Variants in SPTBN5 observed in about 807,000 individuals in gnomAD.
SPTBN5 encodes spectrin beta, non-erythrocytic 5.
Under a neutral mutation model 477.6 loss-of-function variants are expected in SPTBN5, and 513 were observed. That is an observed-to-expected ratio of 1.07 (90% CI 1.00 to 1.16). SPTBN5 has a LOEUF of 1.16. Ranked by LOEUF, SPTBN5 falls within the 50% of genes most tolerant of loss-of-function variation. The probability of loss-of-function intolerance (pLI) is 0.00; values close to 1 mark genes in which losing one functional copy is unlikely to be tolerated. For synonymous variants in SPTBN5, 2,169 were observed against 2,011.7 expected (o/e 1.08, Z -2.09); for missense variants, 5,062 against 4,731.8 (o/e 1.07, Z -2.05).
intron 62 of SPTBN5, 99 bp downstream of exon 62, chr15:41,852,083 G>A (rs1334293964): frequency 2.8e-6 from 4 of 1,442,490 alleles, no homozygotes; most frequent in Non-Finnish European, 3.7e-6. Flanking sequence ...TCCCAGCACT[G>A]GCTCCAGGGT....
chr15:41,864,594 G>A (rs185227794), intron 39 of SPTBN5, among the ~76,000 whole-genome samples: 56 of 152,332 alleles, frequency 3.7e-4, no homozygotes, highest in African/African-American at 1.3e-3. Context: ...GATTACAAGC[G>A]TGAGCCACTG....
chr15:41,865,918 G>T lies in SPTBN5; in HGVS notation c.6823-15C>A. 1 of 1,560,814 alleles carries T rather than the reference G, an allele frequency of 6.4e-7. No homozygotes were observed. The highest frequency in any genetic ancestry group is 8.7e-7 in the Non-Finnish European group (1 of 1,152,512). ...ATCTTCACCTCCTGTGAAGGCCGAG[G>T]GTGGGGAGGGAGCGCTGTGAGCACC... On this transcript the variant is annotated splice_polypyrimidine_tract_variant and intron_variant, in intron 38 of 67. Transcript: ENST00000320955.
intron 18 of SPTBN5, 37 bp downstream of exon 18, chr15:41,877,079 G>T (rs775076604): frequency 6.2e-7 from 1 of 1,611,008 alleles, no homozygotes; most frequent in Non-Finnish European, 8.5e-7. Context: ...TCCAGTGATG[G>T]GGAGTGACAG....
Position 41,893,420 on chromosome 15 carries a change from G to A in SPTBN5, c.78C>T (p.Leu26=). The A allele has an allele frequency of 6.2e-7, 1 of 1,613,156 alleles. No homozygotes were observed. The highest frequency in any genetic ancestry group is 1.1e-5 in the South Asian group (1 of 91,046). ...TGAGACTTGGACTGGGCGGGACCCG[G>A]AGTTCTGTGCTGGGCCTCCTGCTGC... ...GHRSRRPSTE[L]RVPPSPSLTM... The change falls in exon 2 of 68, where the codon CTC becomes CTT. Residue 26 remains leucine (L), a synonymous_variant. Transcript: ENST00000320955.
rs1211120436 is a variant in SPTBN5, at chr15:41,876,567, A to G, written c.3932T>C (p.Leu1311Pro). 6.2e-7 allele frequency: 1 copy of G among 1,602,018 alleles called. No individual in the cohort carries two copies. The highest frequency in any genetic ancestry group is 8.5e-7 in the Non-Finnish European group (1 of 1,174,892). ...GRSEQRRRQL[L>P]ASLQLQEWKQ... is the part of the protein sequence containing the mutation. ...CCTCACCTGGAGCTGGAGGGAAGCC[A>G]GCAACTGCCTCCTCCTCTGCTCACT... The change falls in exon 20 of 68, where the codon CTG (leucine) becomes CCG (proline). Residue 1311 changes from leucine to proline, a missense_variant. Leu to Pro is a moderately conservative substitution (Grantham distance 98). Coordinates refer to ENST00000320955, the MANE Select transcript of SPTBN5 (RefSeq NM_016642.4).
rs1567180627 is a variant in SPTBN5, at chr15:41,852,272, C to T, written c.10494G>A (p.Gly3498=). Reference sequence around the variant, plus strand: ...AGGATGTCAGCGAGCTGCCAGCTCTCCCGGGCTTCAGCTCCTGTGGCTGCA... The same window carrying T: ...AGGATGTCAGCGAGCTGCCAGCTCTTCCGGGCTTCAGCTCCTGTGGCTGCA... ...LLLQPQELKP[G]RAGSSLTSFQ... The change falls in exon 62 of 68, where the codon GGG becomes GGA. Residue 3498 remains glycine (G), a synonymous_variant. Coordinates refer to ENST00000320955, the MANE Select transcript of SPTBN5 (RefSeq NM_016642.4). The T allele has an allele frequency of 4.4e-6, 7 of 1,605,470 alleles. No individual in the cohort carries two copies. The Admixed American group carries it at 1.0e-4, about 23-fold the overall frequency.
chr15:41,876,363 G>T, intron 20 of SPTBN5, 79 bp from the exon 21 acceptor site: 1 of 1,461,522 alleles, frequency 6.8e-7, no homozygotes. Flanking sequence ...TGAGGGTGGT[G>T]TGGCCACAGC....
intron 46 of SPTBN5, 89 bp from the exon 47 acceptor site, chr15:41,860,847 A>C: frequency 1.6e-6 from 2 of 1,283,548 alleles, no homozygotes; most frequent in East Asian, 5.9e-5. Flanking sequence ...CATCCTACCA[A>C]ATGCTCATCC....
Position 41,886,338 on chromosome 15 carries a change from A to T in SPTBN5, c.917T>A (p.Leu306Gln), listed in dbSNP as rs775022987. 7 of 1,608,672 alleles carry T rather than the reference A, an allele frequency of 4.4e-6. No individual in the cohort carries two copies. The highest frequency in any genetic ancestry group is 5.9e-6 in the Non-Finnish European group (7 of 1,177,014). The change falls in exon 7 of 68, where the codon CTG (leucine) becomes CAG (glutamine). Residue 306 changes from leucine to glutamine, a missense_variant. By Grantham distance (113) the Leu-to-Gln change is moderately radical. Coordinates refer to ENST00000320955, the MANE Select transcript of SPTBN5 (RefSeq NM_016642.4). ...KILLQLQETE[L>Q]LQTQYEQLVA... ...CAGCTGCTCGTACTGGGTCTGCAGC[A>T]GCTCTGTCTCCTGGAGCTGAAGCAG...
At position 41,862,398 on chromosome 15, in the gene SPTBN5, G is replaced by A. The variant is rs2066142670; in HGVS notation, c.7386-106C>T. On this transcript the variant is annotated intron_variant, in intron 43 of 67. Coordinates refer to ENST00000320955, the MANE Select transcript of SPTBN5 (RefSeq NM_016642.4). ...TCCCCTCAACCACAGGAGGGCCCAT[G>A]GGCTGGGAGTTACTGGGAGGACAGT... The A allele has an allele frequency of 1.3e-5, 20 of 1,518,700 alleles. 1 individual carries two copies. The South Asian group carries it at 2.5e-4, about 19-fold the overall frequency. The allele number at this position is 1,518,700 out of a possible 1,614,324, so 94.1% of individuals were successfully genotyped here. A position where few individuals can be genotyped will look rare whatever the true frequency, so the allele number is the denominator to read the frequency against.
Position 41,881,979 on chromosome 15 carries a change from T to C in SPTBN5, c.2414A>G (p.Glu805Gly). The C allele has an allele frequency of 1.3e-6, 2 of 1,537,492 alleles. No homozygotes were observed. The highest frequency in any genetic ancestry group is 1.7e-6 in the Non-Finnish European group (2 of 1,151,200). ...GGCCGAGGCCGCCCGCCCCTGCTCC[T>C]CCAGCCGCCGCAGCTCGGCCGCGAA... is the stretch of plus-strand genomic sequence containing the variant. The part of the protein sequence containing the change: ...RAFAAELRRL[E>G]EQGRAASARA... The change falls in exon 12 of 68, where the codon GAG becomes GGG. Residue 805 changes from glutamate to glycine, a missense_variant. By Grantham distance (98) the Glu-to-Gly change is moderately conservative (BLOSUM62 -2). Transcript: ENST00000320955.
At position 41,857,223 on chromosome 15, in the gene SPTBN5, C is replaced by G; in HGVS notation, c.8621+15G>C. On this transcript the variant is annotated intron_variant, in intron 51 of 67. Transcript: ENST00000320955. ...GAAGGCAGGGAAGAGAAGCTGAGGG[C>G]ACGGGTGGATCTACCTCTGAAGCAG... is the stretch of plus-strand genomic sequence containing the variant. 2 of 1,576,892 alleles carry G rather than the reference C, an allele frequency of 1.3e-6. No homozygotes were observed. Among genetic ancestry groups the G allele is most frequent in the Non-Finnish European group, 1.7e-6 (2 of 1,158,914 alleles).
chr15:41,879,181 C>A, intron 16 of SPTBN5, 79 bp downstream of exon 16: 2 of 1,513,522 alleles, frequency 1.3e-6, no homozygotes, highest in South Asian at 1.3e-5. Flanking sequence ...AATTTCTGTC[C>A]CTTCCTCATT....
intron 52 of SPTBN5, 93 bp downstream of exon 52, chr15:41,856,758 CAG>C: frequency 2.9e-6 from 4 of 1,391,658 alleles, no homozygotes; most frequent in Non-Finnish European, 3.8e-6. Context: ...CCCCCACAGG[CAG>C]AGAGTTCCTG....
At position 41,877,289 on chromosome 15, in the gene SPTBN5, G is replaced by T; in HGVS notation, c.3538C>A (p.Pro1180Thr). The T allele has an allele frequency of 6.2e-7, 1 of 1,613,486 alleles. No homozygotes were observed. Among genetic ancestry groups the T allele is most frequent in the South Asian group, 1.1e-5 (1 of 90,976 alleles). ...TGCCCCAGGACCCTCAGAGTGTTGG[G>T]CACCTCTTGGGAGTCTGGGCAGTCC... is the stretch of plus-strand genomic sequence containing the variant. ...ALDCPDSQEV[P>T]NTLRVLGQQG... Residue 1180 changes from proline to threonine, a missense_variant, in exon 18 of 68, where the codon CCC (proline) becomes ACC (threonine). Coordinates refer to ENST00000320955, the MANE Select transcript of SPTBN5 (RefSeq NM_016642.4).
chr15:41,866,741 C>T (rs1213012925), intron 36 of SPTBN5, among the ~76,000 whole-genome samples: 1 of 152,140 alleles, frequency 6.6e-6, no homozygotes, highest in African/African-American at 2.4e-5. Flanking sequence ...CTGCTCCCTT[C>T]CCCACCTCTC....
In SPTBN5 at chr15:41,878,521, G is replaced by A. The variant is rs1198737812; in HGVS notation, c.3291C>T (p.Arg1097=). The A allele has an allele frequency of 6.2e-7, 1 of 1,613,004 alleles. No individual in the cohort carries two copies. Among genetic ancestry groups the A allele is most frequent in the African/African-American group, 1.3e-5 (1 of 74,934 alleles). The change falls in exon 17 of 68, where the codon CGC becomes CGT. Residue 1097 remains arginine (R), a synonymous_variant. Transcript: ENST00000320955. ...VQEQVAQRAR[R]QAETQARQSF... is the part of the protein sequence containing the mutation. ...TCTGCCGGGCCTGAGTCTCAGCCTG[G>A]CGCCGGGCCCGTTGGGCCACTTGTT... is the stretch of plus-strand genomic sequence containing the variant.
intron 7 of SPTBN5, among the ~76,000 whole-genome samples, chr15:41,885,356 T>G (rs2067115379): frequency 6.6e-6 from 1 of 152,152 alleles, no homozygotes; most frequent in Admixed American, 6.6e-5. Flanking sequence ...TATTACCACA[T>G]GCTATGAATT....
rs577292433 is a variant in SPTBN5, at chr15:41,853,584, C to T, written c.9978G>A (p.Leu3326=). Reference sequence around the variant, plus strand: ...GGCAGCTGAGGTAGGACACCTACAGCAGTTCCTGGCAGCGCCCGAGGAAGG... The same window carrying T: ...GGCAGCTGAGGTAGGACACCTACAGTAGTTCCTGGCAGCGCCCGAGGAAGG... ...GHAFLGRCQE[L]LAWAQERQEL... is the part of the protein sequence containing the mutation. The change falls in exon 58 of 68, where the codon CTG becomes CTA. Residue 3326 remains leucine, a splice_region_variant and synonymous_variant. Coordinates refer to ENST00000320955, the MANE Select transcript of SPTBN5 (RefSeq NM_016642.4). 2.5e-6 allele frequency: 4 copies of T among 1,570,042 alleles called. No individual in the cohort carries two copies. The African/African-American group carries it at 4.0e-5, about 16-fold the overall frequency.
Sources: allele counts gnomAD v4.1 joint callset (sites outside exome capture counted in the v4.1 genomes callset), GRCh38; gene constraint gnomAD v4.1.1; transcripts MANE v1.5; gene names NCBI Gene and HGNC (gene_info 2026-07-23, HGNC 2026-07-21).